DELE1: variants seen among roughly 807,000 people sequenced by gnomAD.
DELE1 encodes the protein death ligand signal enhancer.
Under a neutral mutation model 59.3 loss-of-function variants are expected in DELE1, and 54 were observed. The ratio of observed to expected loss-of-function variants is 0.91; its 90% CI spans 0.73 to 1.14. The LOEUF is 1.14. Ranked by LOEUF, DELE1 falls within the 50% of genes most tolerant of loss-of-function variation. The probability of loss-of-function intolerance (pLI) is 0.00; values close to 1 mark genes in which losing one functional copy is unlikely to be tolerated. For missense variants in DELE1, 636 were observed against 643.9 expected (o/e 0.99, Z 0.13); for synonymous variants, 264 against 259.1 (o/e 1.02, Z -0.18).
chr5:141,925,405 T>C lies in DELE1; in HGVS notation c.147-5T>C, dbSNP rs199614244. On this transcript the variant is annotated splice_region_variant and splice_polypyrimidine_tract_variant and intron_variant, in intron 2 of 11. Transcript: ENST00000432126. ...TACTTGATAGCCTCTTATTTCATCA[T>C]CTAGGTCAGGTCCCCATGGCCCAGG... The C allele has an allele frequency of 1.3e-6, 2 of 1,566,996 alleles. No homozygotes were observed. Among genetic ancestry groups the C allele is most frequent in the Admixed American group, 3.7e-5 (2 of 53,724 alleles).
At position 141,938,921 on chromosome 5, in the gene DELE1, TC is replaced by T. The variant is rs3833448; in HGVS notation, c.*168del. On this transcript the variant is annotated 3_prime_UTR_variant, in exon 12 of 12. Coordinates refer to ENST00000432126, the MANE Select transcript of DELE1 (RefSeq NM_014773.5). ...ACATGGCTGGTAAGTGACTGATCTT[TC>T]CCCCCGCTTGGTAGCCTCACAGATG... is the stretch of plus-strand genomic sequence containing the variant. 1 of 1,432,852 alleles carries T rather than the reference TC, an allele frequency of 7.0e-7. No individual in the cohort carries two copies. The highest frequency in any genetic ancestry group is 9.1e-7 in the Non-Finnish European group (1 of 1,097,594). The allele number at this position is 1,432,852 out of a possible 1,614,324, so 88.8% of individuals were successfully genotyped here.
At chr5:141,924,039 C>T in intron 1 of DELE1, 67 bp downstream of exon 1, 1 of 1,568,282 alleles carries the variant, frequency 6.4e-7, no homozygotes, top group Non-Finnish European at 8.7e-7. Flanking sequence ...GGGGGCGGGC[C>T]CGAGGAAACA....
intron 10 of DELE1, among the ~76,000 whole-genome samples, chr5:141,935,813 G>A (rs1037810626): frequency 1.3e-5 from 2 of 152,214 alleles, no homozygotes; most frequent in African/African-American, 2.4e-5. Flanking sequence ...GCTATATGAC[G>A]CTGTATTGGG....
At chr5:141,934,833 C>T (rs1752233497) in intron 10 of DELE1, 1 of 525,064 alleles carries the variant, frequency 1.9e-6, no homozygotes, top group South Asian at 2.7e-5. Context: ...GGAATATTTG[C>T]ACCACAGAAA....
In DELE1 at chr5:141,939,943, C is replaced by A; in HGVS notation, c.*1184C>A. ...CGCTGGGCCAGGGTGAGGACCTGGG[C>A]CTCCTGACTCCTGGCCCAGAGTTCT... On this transcript the variant is annotated 3_prime_UTR_variant, in exon 12 of 12. Coordinates refer to ENST00000432126, the MANE Select transcript of DELE1 (RefSeq NM_014773.5). The A allele has an allele frequency of 1.1e-6, 1 of 910,076 alleles. No individual in the cohort carries two copies. Among genetic ancestry groups the A allele is most frequent in the Non-Finnish European group, 1.3e-6 (1 of 761,414 alleles). 56.4% of individuals were successfully genotyped at this position (910,076 alleles called of 1,614,324 possible).
chr5:141,928,629 A>G (rs1342870340), intron 4 of DELE1, among the ~76,000 whole-genome samples: 4 of 152,228 alleles, frequency 2.6e-5, no homozygotes, highest in Non-Finnish European at 5.9e-5. Flanking sequence ...AAATAAATGA[A>G]TCTTTATTGA....
In DELE1 at chr5:141,938,930, T is replaced by C; in HGVS notation, c.*171T>C. On this transcript the variant is annotated 3_prime_UTR_variant, in exon 12 of 12. Coordinates refer to ENST00000432126, the MANE Select transcript of DELE1 (RefSeq NM_014773.5). ...GTAAGTGACTGATCTTTCCCCCCGCTTGGTAGCCTCACAGATGAGTCTTGG... is the reference window on the plus strand; with the variant it reads ...GTAAGTGACTGATCTTTCCCCCCGCCTGGTAGCCTCACAGATGAGTCTTGG... 2 of 1,429,922 alleles carry C rather than the reference T, an allele frequency of 1.4e-6. No homozygotes were observed. 88.6% of individuals were successfully genotyped at this position (1,429,922 alleles called of 1,614,324 possible). A position where few individuals can be genotyped will look rare whatever the true frequency, so the allele number is the denominator to read the frequency against.
Position 141,939,578 on chromosome 5 carries a change from G to A in DELE1, c.*819G>A, listed in dbSNP as rs1319549351. The A allele has an allele frequency of 7.1e-6, 7 of 985,720 alleles. No individual in the cohort carries two copies. The highest frequency in any genetic ancestry group is 8.4e-6 in the Non-Finnish European group (7 of 829,946). 61.1% of individuals were successfully genotyped at this position (985,720 alleles called of 1,614,324 possible). On this transcript the variant is annotated 3_prime_UTR_variant, in exon 12 of 12. Transcript: ENST00000432126. ...GAACTTCTCACCTCAGCCCTAAAGA[G>A]GGAGCCTGTGGGTTCTCAGAGAGAT...
intron 10 of DELE1, among the ~76,000 whole-genome samples, chr5:141,936,072 T>C (rs1299781879): frequency 6.6e-6 from 1 of 152,204 alleles, no homozygotes; most frequent in Non-Finnish European, 1.5e-5. Context: ...AATTGGACCA[T>C]GGTTGAGAGT....
In DELE1 at chr5:141,934,576, C is replaced by G. The variant is rs781773897; in HGVS notation, c.1139C>G (p.Ala380Gly). 6.2e-7 allele frequency: 1 copy of G among 1,614,164 alleles called. No individual in the cohort carries two copies. The highest frequency in any genetic ancestry group is 8.5e-7 in the Non-Finnish European group (1 of 1,179,972). The change falls in exon 10 of 12, where the codon GCC (alanine) becomes GGC (glycine). Residue 380 changes from alanine to glycine, a missense_variant. Coordinates refer to ENST00000432126, the MANE Select transcript of DELE1 (RefSeq NM_014773.5). ...QRAVKYLWLA[A>G]NNGDSQSRYH... is the part of the protein sequence containing the mutation. Reference sequence around the variant, plus strand: ...GCTGTGAAATATCTTTGGCTTGCAGCCAACAATGGGGTATGCGATCTCAGT... The same window carrying G: ...GCTGTGAAATATCTTTGGCTTGCAGGCAACAATGGGGTATGCGATCTCAGT...
intron 5 of DELE1, 97 bp downstream of exon 5, chr5:141,929,837 C>CTGTGAGGTCCCATGCCT: frequency 6.5e-7 from 1 of 1,528,154 alleles, no homozygotes; most frequent in Non-Finnish European, 9.0e-7. Flanking sequence ...ATTGGCACTC[C>CTGTGAGGTCCCATGCCT]TGTGAGGTCC....
At position 141,938,561 on chromosome 5, in the gene DELE1, T is replaced by A; in HGVS notation, c.1350T>A (p.Ser450=). The A allele has an allele frequency of 4.3e-6, 7 of 1,614,102 alleles. No individual in the cohort carries two copies. The highest frequency in any genetic ancestry group is 5.9e-6 in the Non-Finnish European group (7 of 1,179,998). ...PSDLTVTGLK[S]FSSPSLCSLN... is the part of the protein sequence containing the mutation. ...ACCTGACAGTTACAGGACTGAAGTC[T>A]TTCTCCAGCCCCTCCCTCTGCAGCT... The change falls in exon 12 of 12, where the codon TCT becomes TCA. Residue 450 remains serine (S), a synonymous_variant. Coordinates refer to ENST00000432126, the MANE Select transcript of DELE1 (RefSeq NM_014773.5).
Position 141,941,392 on chromosome 5 carries a change from G to T in DELE1, c.*2633G>T, listed in dbSNP as rs1353633686. ...CTCCTGTGGAAAGGGAAGGATGGCA[G>T]AGTCGTGAGAAAGGTGTTGTCAAGG... On this transcript the variant is annotated 3_prime_UTR_variant, in exon 12 of 12. Transcript: ENST00000432126. 1 of 985,350 alleles carries T rather than the reference G, an allele frequency of 1.0e-6. No homozygotes were observed. The highest frequency in any genetic ancestry group is 1.2e-6 in the Non-Finnish European group (1 of 829,966). 61.0% of individuals were successfully genotyped at this position (985,350 alleles called of 1,614,324 possible).
chr5:141,929,060 C>T (rs1252161952), intron 4 of DELE1, among the ~76,000 whole-genome samples: 1 of 152,114 alleles, frequency 6.6e-6, no homozygotes. Flanking sequence ...GTGATTGATG[C>T]TTAGGGTGGG....
At chr5:141,932,632 G>A (rs1346290879) in intron 7 of DELE1, among the ~76,000 whole-genome samples, 1 of 152,170 alleles carries the variant, frequency 6.6e-6, no homozygotes, top group African/African-American at 2.4e-5. Flanking sequence ...TCCTGAGAAA[G>A]AACCTCCGTG....
rs1752560461 is a variant in DELE1 at position 141,938,682 on chromosome 5, C to G, written c.1471C>G (p.Leu491Val). 1.2e-6 allele frequency: 2 copies of G among 1,614,162 alleles called. No homozygotes were observed. The highest frequency in any genetic ancestry group is 2.2e-5 in the South Asian group (2 of 91,076). The change falls in exon 12 of 12, where the codon CTG becomes GTG. Residue 491 changes from leucine (L) to valine (V), a missense_variant. Coordinates refer to ENST00000432126, the MANE Select transcript of DELE1 (RefSeq NM_014773.5). Reference sequence around the variant, plus strand: ...CAGAAGTGGGCATCTCGGAGCCAGCCTGGAAGCCTCCAGCAGGGCTATTCC... The same window carrying G: ...CAGAAGTGGGCATCTCGGAGCCAGCGTGGAAGCCTCCAGCAGGGCTATTCC... ...LCRSGHLGASLEASSRAIPPH... is the reference protein window; with the variant it reads ...LCRSGHLGASVEASSRAIPPH...
chr5:141,941,304 T>G lies in DELE1; in HGVS notation c.*2545T>G. The G allele has an allele frequency of 1.0e-6, 1 of 985,444 alleles. No individual in the cohort carries two copies. Among genetic ancestry groups the G allele is most frequent in the East Asian group, 1.1e-4 (1 of 8,834 alleles). 61.0% of individuals were successfully genotyped at this position (985,444 alleles called of 1,614,324 possible). Reference sequence around the variant, plus strand: ...CTACTGAGCTAAGTACTGATTCAATTTGGGGTGCCAAAGGTTGGGGGTAGG... The same window carrying G: ...CTACTGAGCTAAGTACTGATTCAATGTGGGGTGCCAAAGGTTGGGGGTAGG... On this transcript the variant is annotated 3_prime_UTR_variant, in exon 12 of 12. Transcript: ENST00000432126.
In DELE1 at chr5:141,929,634, T is replaced by C. The variant is rs567971593; in HGVS notation, c.465T>C (p.Thr155=). ...PSPDGPAPRH[T]GLREPRLGQE... Reference sequence around the variant, plus strand: ...CCGATGGCCCAGCTCCCAGGCACACTGGCCTCAGGGAACCCAGGCTTGGCC... The same window carrying C: ...CCGATGGCCCAGCTCCCAGGCACACCGGCCTCAGGGAACCCAGGCTTGGCC... The change falls in exon 5 of 12, where the codon ACT becomes ACC. Residue 155 remains threonine (T), a synonymous_variant. Transcript: ENST00000432126. 1 of 1,614,166 alleles carries C rather than the reference T, an allele frequency of 6.2e-7. No individual in the cohort carries two copies. The highest frequency in any genetic ancestry group is 8.5e-7 in the Non-Finnish European group (1 of 1,180,030).
chr5:141,929,456 G>T, intron 4 of DELE1, 126 bp from the exon 5 acceptor site: 1 of 947,552 alleles, frequency 1.1e-6, no homozygotes, highest in Non-Finnish European at 1.6e-6. Context: ...CACCATGTTG[G>T]CCAGGCTGGT....
Sources: gnomAD v4.1 joint callset for allele counts (sites outside exome capture counted in the v4.1 genomes callset) on GRCh38, gnomAD v4.1.1 for gene constraint, MANE v1.5 for transcripts, NCBI Gene and HGNC (gene_info 2026-07-23, HGNC 2026-07-21) for gene names.